Variants in TENM2 observed in about 807,000 individuals in gnomAD.
TENM2 encodes teneurin-2.
Under a neutral mutation model 245.2 loss-of-function variants are expected in TENM2, and 52 were observed. The ratio of observed to expected loss-of-function variants is 0.21; its 90% CI spans 0.17 to 0.27. The LOEUF is 0.27. Ranked by LOEUF, TENM2 falls within the 10% of genes least tolerant of loss-of-function variation. TENM2 has a pLI of 1.00. For missense variants in TENM2, 3,046 were observed against 3,666.8 expected, an observed-to-expected ratio of 0.83 and a Z score of 4.37; for synonymous variants, 1,363 against 1,438.9, an observed-to-expected ratio of 0.95 and a Z score of 1.19.
chr5:167,324,973 G>A (rs1756998001), intron 1 of TENM2, among the ~76,000 whole-genome samples: 1 of 152,168 alleles, frequency 6.6e-6, no homozygotes. Flanking sequence ...ACTCAAGTGT[G>A]AACGTGGCTC....
chr5:167,594,049 G>A (rs532921261), intron 2 of TENM2, among the ~76,000 whole-genome samples: 2 of 152,250 alleles, frequency 1.3e-5, no homozygotes, highest in South Asian at 2.1e-4. Flanking sequence ...CATTCTTTAA[G>A]TTGTATGTTC....
chr5:167,075,912 A>G, the TENM2 span, among the ~76,000 whole-genome samples: 1 of 152,220 alleles, frequency 6.6e-6, no homozygotes, highest in Non-Finnish European at 1.5e-5. Context: ...GAGCTCTAGT[A>G]GAATAAATGA....
chr5:167,584,618 A>G (rs1775347152), intron 2 of TENM2, among the ~76,000 whole-genome samples: 1 of 151,884 alleles, frequency 6.6e-6, no homozygotes, highest in South Asian at 2.1e-4. Flanking sequence ...AGTTCTAGGA[A>G]GTCAGCATCA....
At chr5:167,562,530 C>A (rs1253525947) in intron 2 of TENM2, among the ~76,000 whole-genome samples, 1 of 152,138 alleles carries the variant, frequency 6.6e-6, no homozygotes, top group Non-Finnish European at 1.5e-5. Context: ...TGTCCACACA[C>A]CTGAACTGAG....
intron 1 of TENM2, among the ~76,000 whole-genome samples, chr5:167,314,419 CAAATT>C (rs1437771320): frequency 6.6e-6 from 1 of 152,020 alleles, no homozygotes; most frequent in East Asian, 1.9e-4. Flanking sequence ...TTATAGATGA[CAAATT>C]AAAAGGCTGT....
intron 2 of TENM2, among the ~76,000 whole-genome samples, chr5:167,609,711 T>C (rs1355536319): frequency 1.3e-5 from 2 of 152,058 alleles, no homozygotes; most frequent in Non-Finnish European, 2.9e-5. Context: ...ATTCTATCTT[T>C]TGTAGGCCCA....
intron 2 of TENM2, among the ~76,000 whole-genome samples, chr5:167,484,819 C>T (rs954221734): frequency 6.6e-6 from 1 of 152,066 alleles, no homozygotes; most frequent in Non-Finnish European, 1.5e-5. Flanking sequence ...CATTAACATC[C>T]ATCAAAAAAA....
the TENM2 span, among the ~76,000 whole-genome samples, chr5:167,209,569 G>A: frequency 1.2e-4 from 19 of 152,036 alleles, no homozygotes. Context: ...TAGTAATATT[G>A]TTGTTCCTCA....
At chr5:167,419,072 A>G (rs1357955687) in intron 2 of TENM2, among the ~76,000 whole-genome samples, 1 of 152,174 alleles carries the variant, frequency 6.6e-6, no homozygotes, top group Non-Finnish European at 1.5e-5. Flanking sequence ...GTTTCATATC[A>G]TAAAATACAA....
At chr5:167,402,647 A>G (rs1019653313) in intron 2 of TENM2, among the ~76,000 whole-genome samples, 1 of 152,106 alleles carries the variant, frequency 6.6e-6, no homozygotes, top group Non-Finnish European at 1.5e-5. Flanking sequence ...GGAATTTTCC[A>G]GTGCACATAG....
intron 3 of TENM2, among the ~76,000 whole-genome samples, chr5:167,886,381 A>C (rs1461887943): frequency 6.6e-6 from 1 of 152,242 alleles, no homozygotes; most frequent in African/African-American, 2.4e-5. Context: ...TAGCATTTAC[A>C]TGGCCACAGT....
At chr5:167,438,738 AG>A (rs1236966221) in intron 2 of TENM2, among the ~76,000 whole-genome samples, 1 of 151,386 alleles carries the variant, frequency 6.6e-6, no homozygotes. Flanking sequence ...AGTGTATCTA[AG>A]TAGTAATCAT....
chr5:167,876,224 G>A, intron 3 of TENM2, 29 bp downstream of exon 5: 1 of 1,495,940 alleles, frequency 6.7e-7, no homozygotes, highest in Non-Finnish European at 9.1e-7. Flanking sequence ...GTCTGAATGT[G>A]TGGTGTTTCG....
chr5:168,215,788 A>T (rs1763141580), intron 21 of TENM2, among the ~76,000 whole-genome samples: 1 of 152,214 alleles, frequency 6.6e-6, no homozygotes, highest in Non-Finnish European at 1.5e-5. Flanking sequence ...CAGTCAGGAG[A>T]ATCAGAGGAA....
chr5:167,288,581 G>T (rs1014052381), intron 1 of TENM2, among the ~76,000 whole-genome samples: 5 of 149,916 alleles, frequency 3.3e-5, no homozygotes, highest in South Asian at 2.1e-4. Flanking sequence ...AAAAGAAAAA[G>T]AAAAGAATAA....
chr5:168,203,992 A>G (rs1762148139), intron 18 of TENM2, among the ~76,000 whole-genome samples, 160 bp downstream of exon 20: 1 of 150,880 alleles, frequency 6.6e-6, no homozygotes. Flanking sequence ...TTCTTTTATT[A>G]TTTTTTTATT....
intron 3 of TENM2, among the ~76,000 whole-genome samples, chr5:167,894,597 AT>A (rs1248702851): frequency 7.2e-5 from 11 of 152,158 alleles, no homozygotes; most frequent in African/African-American, 2.6e-4. Context: ...CTATACTCAA[AT>A]ATCATTCCTT....
the TENM2 span, among the ~76,000 whole-genome samples, chr5:167,221,159 C>T: frequency 1.3e-5 from 2 of 152,096 alleles, no homozygotes; most frequent in African/African-American, 4.8e-5. Context: ...TTTGGGGATG[C>T]AGCCGTGATG....
chr5:167,502,385 G>A (rs950102202), intron 2 of TENM2, among the ~76,000 whole-genome samples: 2 of 152,158 alleles, frequency 1.3e-5, no homozygotes, highest in Admixed American at 6.6e-5. Flanking sequence ...AAAGAGAAAT[G>A]TATTATATAT....
Sources: gnomAD v4.1 joint callset for allele counts (sites outside exome capture counted in the v4.1 genomes callset) on GRCh38, gnomAD v4.1.1 for gene constraint, MANE v1.5 for transcripts, NCBI Gene and HGNC (gene_info 2026-07-23, HGNC 2026-07-21) for gene names.